The following ARHGEF4 variants were observed in gnomAD, a reference collection of about 807,000 sequenced individuals.
ARHGEF4 encodes the protein APC-stimulated guanine nucleotide exchange factor 1.
ARHGEF4 carries 119 observed loss-of-function variants against 162.0 expected under a neutral mutation model. The ratio of observed to expected loss-of-function variants is 0.73; its 90% CI spans 0.63 to 0.86. The LOEUF (loss-of-function observed/expected upper bound fraction) is 0.86. Ranked by LOEUF, ARHGEF4 falls within the 40% of genes least tolerant of loss-of-function variation. The pLI is 0.00. For synonymous variants in ARHGEF4, 1,014 were observed against 979.9 expected (o/e 1.03, Z -0.65); for missense variants, 2,488 against 2,456.0 (o/e 1.01, Z -0.28).
intron 4 of ARHGEF4, among the ~76,000 whole-genome samples, chr2:130,974,948 A>G (rs76060901): frequency 0.015 from 2,340 of 152,182 alleles, 69 homozygotes; most frequent in African/African-American, 0.053. Flanking sequence ...ACAGAGACTC[A>G]ATTTTTTGCA....
chr2:131,047,000 C>A lies in ARHGEF4; in HGVS notation c.*811C>A, dbSNP rs866099067. The stretch of plus-strand genomic sequence containing the variant: ...CTTAGTGACACAGAAGATTGCCTTA[C>A]GCTCGTGAGCGTGAGAAGCCATAAG... On this transcript the variant is annotated 3_prime_UTR_variant, in exon 14 of 14. Coordinates refer to ENST00000409359, the MANE Select transcript of ARHGEF4 (RefSeq NM_001367493.1). 6.6e-5 allele frequency: 10 copies of A among 152,562 alleles called. No individual in the cohort carries two copies. Among genetic ancestry groups the A allele is most frequent in the Admixed American group, 6.5e-4 (10 of 15,290 alleles). The allele number at this position is 152,562 out of a possible 1,614,324, so 9.5% of individuals were successfully genotyped here. A position where few individuals can be genotyped will look rare whatever the true frequency, so the allele number is the denominator to read the frequency against.
At position 131,041,473 on chromosome 2, in the gene ARHGEF4, A is replaced by C; in HGVS notation, c.4895+11A>C. 6.2e-7 allele frequency: 1 copy of C among 1,607,694 alleles called. No individual in the cohort carries two copies. Among genetic ancestry groups the C allele is most frequent in the Middle Eastern group, 1.7e-4 (1 of 6,042 alleles). On this transcript the variant is annotated intron_variant, in intron 9 of 13. Coordinates refer to ENST00000409359, the MANE Select transcript of ARHGEF4 (RefSeq NM_001367493.1). The stretch of plus-strand genomic sequence containing the variant: ...GCACCCCCAGCACAGGTAGGAGGGC[A>C]CTGAGGCAGGGAGGCAGCCCACGCC...
At chr2:130,888,854 ACT>A (rs1266368162) in intron 1 of ARHGEF4, among the ~76,000 whole-genome samples, 1 of 151,796 alleles carries the variant, frequency 6.6e-6, no homozygotes, top group Non-Finnish European at 1.5e-5. Flanking sequence ...TAATCCCAGC[ACT>A]CTGGGAGGCT....
At chr2:130,987,480 C>A (rs1321949560) in intron 4 of ARHGEF4, among the ~76,000 whole-genome samples, 1 of 152,210 alleles carries the variant, frequency 6.6e-6, no homozygotes. Flanking sequence ...GTTGCAGCTT[C>A]TGGTTGCTGG....
chr2:130,903,729 C>T (rs1236735817), intron 1 of ARHGEF4, among the ~76,000 whole-genome samples: 2 of 152,318 alleles, frequency 1.3e-5, no homozygotes, highest in East Asian at 3.9e-4. Flanking sequence ...GTGATTGTGC[C>T]TGTGTGTACC....
intron 1 of ARHGEF4, among the ~76,000 whole-genome samples, chr2:130,875,291 C>T (rs188060516): frequency 3.3e-5 from 5 of 152,236 alleles, no homozygotes; most frequent in East Asian, 1.9e-4. Context: ...TCTCCAGCCC[C>T]GATATCACTC....
chr2:130,922,762 A>T (rs1574236204), intron 2 of ARHGEF4, among the ~76,000 whole-genome samples: 3 of 147,974 alleles, frequency 2.0e-5, no homozygotes, highest in Non-Finnish European at 4.5e-5. Context: ...CATTCCTCAG[A>T]TTTTTTTTTT....
chr2:131,028,061 G>A lies in ARHGEF4; in HGVS notation c.4102G>A (p.Gly1368Arg). ...SHHYSHPGGG[G>R]EQLAINELIS... ...CCACTACAGCCACCCTGGAGGGGGT[G>A]GGGAGCAGCTGGCTATCAATGAGGT... is the stretch of plus-strand genomic sequence containing the variant. Residue 1368 changes from glycine (G) to arginine (R), a missense_variant, in exon 5 of 14, where the codon GGG (glycine) becomes AGG (arginine). Gly to Arg is a moderately radical substitution (Grantham distance 125). Coordinates refer to ENST00000409359, the MANE Select transcript of ARHGEF4 (RefSeq NM_001367493.1). The A allele has an allele frequency of 1.2e-6, 2 of 1,614,004 alleles. No individual in the cohort carries two copies. Among genetic ancestry groups the A allele is most frequent in the Non-Finnish European group, 1.7e-6 (2 of 1,180,010 alleles).
At chr2:130,896,816 C>G (rs1285124072) in intron 1 of ARHGEF4, among the ~76,000 whole-genome samples, 1 of 152,148 alleles carries the variant, frequency 6.6e-6, no homozygotes, top group Non-Finnish European at 1.5e-5. Context: ...GAGCAGGGTC[C>G]GTGTCTCAGA....
At position 130,930,939 on chromosome 2, in the gene ARHGEF4, C is replaced by G. The variant is rs1268742950; in HGVS notation, c.3553-13C>G. ...TGACCTCTGACCCCTGACCCGTTCT[C>G]TCTGCTCTCCAGAACCACATGCCCT... On this transcript the variant is annotated splice_polypyrimidine_tract_variant and intron_variant, in intron 2 of 13. Coordinates refer to ENST00000409359, the MANE Select transcript of ARHGEF4 (RefSeq NM_001367493.1). 4.4e-6 allele frequency: 7 copies of G among 1,594,340 alleles called. No homozygotes were observed. The highest frequency in any genetic ancestry group is 6.0e-6 in the Non-Finnish European group (7 of 1,166,378).
intron 1 of ARHGEF4, among the ~76,000 whole-genome samples, chr2:130,903,481 A>G (rs1021057086): frequency 1.3e-5 from 2 of 152,034 alleles, no homozygotes; most frequent in African/African-American, 4.8e-5. Flanking sequence ...GATGGTCTCG[A>G]TCTCTTGACC....
chr2:130,937,601 G>C (rs1683038212), intron 3 of ARHGEF4, among the ~76,000 whole-genome samples: 1 of 151,730 alleles, frequency 6.6e-6, no homozygotes, highest in Non-Finnish European at 1.5e-5. Flanking sequence ...TGCTTTCTCA[G>C]GGATGGTTCT....
chr2:130,842,423 G>A (rs2104855300), intron 1 of ARHGEF4, among the ~76,000 whole-genome samples: 1 of 152,340 alleles, frequency 6.6e-6, no homozygotes, highest in Admixed American at 6.5e-5. Context: ...CTGCAGAAGA[G>A]AAGAGATACT....
chr2:131,013,685 C>A (rs1478112831), intron 4 of ARHGEF4, among the ~76,000 whole-genome samples: 2 of 152,236 alleles, frequency 1.3e-5, no homozygotes, highest in African/African-American at 2.4e-5. Flanking sequence ...ACTGCAACCT[C>A]CACCTCCTAG....
At chr2:130,888,849 C>A (rs1037981091) in intron 1 of ARHGEF4, among the ~76,000 whole-genome samples, 3 of 151,970 alleles carry the variant, frequency 2.0e-5, no homozygotes, top group Non-Finnish European at 4.4e-5. Flanking sequence ...GCCTGTAATC[C>A]CAGCACTCTG....
At position 130,978,642 on chromosome 2, in the gene ARHGEF4, G is replaced by A. The variant is rs147723289; in HGVS notation, c.3985+32007G>A. Among the ~76,000 whole-genome samples, 566 of 151,986 alleles carry A rather than the reference G, an allele frequency of 3.7e-3. 4 individuals are homozygous for A. The highest frequency in any genetic ancestry group is 0.01 in the Middle Eastern group (3 of 294). On this transcript the variant is annotated intron_variant, in intron 4 of 13. Coordinates refer to ENST00000409359, the MANE Select transcript of ARHGEF4 (RefSeq NM_001367493.1). Reference sequence around the variant, plus strand: ...ATTGCCATGAATGAAGAATATTCACGAATAGTTTACAAATTCTGGAGAAAT... The same window carrying A: ...ATTGCCATGAATGAAGAATATTCACAAATAGTTTACAAATTCTGGAGAAAT...
At chr2:131,035,217 G>T (rs1410062536) in intron 5 of ARHGEF4, 1 of 1,225,212 alleles carries the variant, frequency 8.2e-7, no homozygotes, top group Non-Finnish European at 1.0e-6. Context: ...TGGCGCTCCT[G>T]GTTCTCATCA....
In ARHGEF4 at chr2:131,019,296, C is replaced by T. The variant is rs575161338; in HGVS notation, c.3986-8649C>T. Among the ~76,000 whole-genome samples the T allele has an allele frequency of 3.3e-5, 5 of 152,078 alleles. No homozygotes were observed. The South Asian group carries it at 1.0e-3, about 32-fold the overall frequency. On this transcript the variant is annotated intron_variant, in intron 4 of 13. Transcript: ENST00000409359. ...GTGTGGTGTCACATGCCTGTAATCCCAGCTACCTGGGAGGCTGAGGCATGA... is the reference window on the plus strand; with the variant it reads ...GTGTGGTGTCACATGCCTGTAATCCTAGCTACCTGGGAGGCTGAGGCATGA...
intron 1 of ARHGEF4, among the ~76,000 whole-genome samples, chr2:130,886,402 G>A (rs1285614012): frequency 6.6e-6 from 1 of 151,836 alleles, no homozygotes; most frequent in Non-Finnish European, 1.5e-5. Flanking sequence ...TGATTTGGCC[G>A]GGCATGGTGG....
Sources: gnomAD v4.1 joint callset for allele counts (sites outside exome capture counted in the v4.1 genomes callset) on GRCh38, gnomAD v4.1.1 for gene constraint, MANE v1.5 for transcripts, NCBI Gene and HGNC (gene_info 2026-07-23, HGNC 2026-07-21) for gene names.